Variants in PPP2R2B observed in about 807,000 individuals in gnomAD.
The protein encoded by PPP2R2B is protein phosphatase 2 regulatory subunit Bbeta.
PPP2R2B carries 5 observed loss-of-function variants against 46.0 expected under a neutral mutation model. The observed-to-expected ratio is 0.11, with a 90% CI of 0.06 to 0.23. The LOEUF (loss-of-function observed/expected upper bound fraction) is 0.23. Among genes scored for constraint, PPP2R2B ranks in the 10% least tolerant of loss-of-function variants. The probability of loss-of-function intolerance (pLI) is 1.00; values close to 1 mark genes in which losing one functional copy is unlikely to be tolerated. For missense variants in PPP2R2B, 367 were observed against 575.0 expected (o/e 0.64, Z 3.70); for synonymous variants, 215 against 206.7 (o/e 1.04, Z -0.34).
intron 1 of PPP2R2B, among the ~76,000 whole-genome samples, chr5:147,014,399 T>G (rs146048973): frequency 0.53 from 77,762 of 145,950 alleles, 21,166 homozygotes; most frequent in Middle Eastern, 0.58. Context: ...TATACCCAAA[T>G]GACTATAAAT....
intron 1 of PPP2R2B, among the ~76,000 whole-genome samples, chr5:146,912,664 C>T (rs1416894993): frequency 6.6e-6 from 1 of 151,852 alleles, no homozygotes; most frequent in East Asian, 1.9e-4. Context: ...GCCACCATGC[C>T]TGGCTAATTT....
chr5:146,845,100 C>T (rs774834881), intron 2 of PPP2R2B, among the ~76,000 whole-genome samples: 1 of 152,098 alleles, frequency 6.6e-6, no homozygotes, highest in Non-Finnish European at 1.5e-5. Context: ...CGACAAGCCT[C>T]AGGGCTCTTG....
intron 2 of PPP2R2B, among the ~76,000 whole-genome samples, chr5:146,815,915 G>C (rs1757905792): frequency 6.6e-6 from 1 of 152,132 alleles, no homozygotes; most frequent in South Asian, 2.1e-4. Flanking sequence ...CGTGCCCTTT[G>C]AGGGTGGCAA....
At chr5:146,804,900 C>T (rs1305803774) in intron 2 of PPP2R2B, among the ~76,000 whole-genome samples, 1 of 152,132 alleles carries the variant, frequency 6.6e-6, no homozygotes, top group Non-Finnish European at 1.5e-5. Context: ...GTGGGGTTCA[C>T]ATCCAGAAAT....
chr5:146,792,969 C>T (rs1282725814), intron 2 of PPP2R2B, among the ~76,000 whole-genome samples: 4 of 152,066 alleles, frequency 2.6e-5, no homozygotes, highest in Non-Finnish European at 4.4e-5. Context: ...ATCAATATGG[C>T]TACTGTGTGG....
intron 7 of PPP2R2B, among the ~76,000 whole-genome samples, chr5:146,600,683 C>T (rs922611882): frequency 5.9e-5 from 9 of 152,060 alleles, no homozygotes; most frequent in East Asian, 5.8e-4. Flanking sequence ...GCATGGGACC[C>T]GTCCCATCAT....
At chr5:146,861,183 G>A (rs1275542952) in intron 2 of PPP2R2B, among the ~76,000 whole-genome samples, 2 of 151,208 alleles carry the variant, frequency 1.3e-5, no homozygotes, top group South Asian at 2.1e-4. Flanking sequence ...AGCCTCCTGA[G>A]TAGCTGGGAC....
intron 2 of PPP2R2B, among the ~76,000 whole-genome samples, chr5:146,814,492 A>G (rs1158244849): frequency 6.6e-6 from 1 of 152,222 alleles, no homozygotes; most frequent in East Asian, 1.9e-4. Flanking sequence ...AGTGCCAGGG[A>G]AAGGCACCCA....
intron 2 of PPP2R2B, among the ~76,000 whole-genome samples, chr5:146,749,149 T>G (rs1176329043): frequency 6.6e-6 from 1 of 152,372 alleles, no homozygotes; most frequent in Non-Finnish European, 1.5e-5. Context: ...ATTTCCTTAA[T>G]GGCTGATAGT....
upstream of PPP2R2B, among the ~76,000 whole-genome samples, chr5:146,881,154 T>G (rs1441328484): frequency 3.3e-5 from 5 of 152,144 alleles, no homozygotes; most frequent in Non-Finnish European, 7.3e-5. Context: ...CTCTAAAATG[T>G]CAAGTTCTTT....
At chr5:146,776,528 A>T (rs1227743191) in intron 2 of PPP2R2B, among the ~76,000 whole-genome samples, 1 of 152,172 alleles carries the variant, frequency 6.6e-6, no homozygotes, top group Non-Finnish European at 1.5e-5. Flanking sequence ...TCAATTTAAG[A>T]GCTGAAACTA....
At chr5:147,061,309 T>C (rs531658028) in intron 2 of PPP2R2B, among the ~76,000 whole-genome samples, 27 of 152,272 alleles carry the variant, frequency 1.8e-4, no homozygotes, top group Middle Eastern at 6.8e-3. Flanking sequence ...ACTGCTTTGC[T>C]TGATGGTCAG....
intron 1 of PPP2R2B, among the ~76,000 whole-genome samples, chr5:146,934,150 A>C (rs926089114): frequency 6.6e-6 from 1 of 152,090 alleles, no homozygotes. Flanking sequence ...ATATGTGTGC[A>C]TGTGTCTTTA....
At chr5:146,734,218 G>C (rs1752406471) in intron 2 of PPP2R2B, among the ~76,000 whole-genome samples, 1 of 151,878 alleles carries the variant, frequency 6.6e-6, no homozygotes, top group African/African-American at 2.4e-5. Flanking sequence ...ACCATACCTG[G>C]CTAATGTTTT....
chr5:146,786,179 A>G (rs996772804), intron 2 of PPP2R2B, among the ~76,000 whole-genome samples: 5 of 152,152 alleles, frequency 3.3e-5, no homozygotes, highest in African/African-American at 1.2e-4. Flanking sequence ...TATCAATAAA[A>G]CTATAATAAA....
chr5:146,671,975 G>C (rs1687038561), intron 5 of PPP2R2B, among the ~76,000 whole-genome samples: 1 of 152,124 alleles, frequency 6.6e-6, no homozygotes, highest in Non-Finnish European at 1.5e-5. Context: ...AGAGAATAAA[G>C]GGAATATTTC....
chr5:146,650,692 C>T lies in PPP2R2B; in HGVS notation c.480G>A (p.Val160=). The change falls in exon 6 of 10, where the codon GTG becomes GTA. Residue 160 remains valine, a synonymous_variant. Coordinates refer to ENST00000394411, the MANE Select transcript of PPP2R2B (RefSeq NM_181675.4). ...VPVLRPMDLM[V]EATPRRVFAN... ...CAAATACTCTTCGTGGGGTGGCCTC[C>T]ACCATCAGGTCCATGGGTCTCAGGA... 6.2e-7 allele frequency: 1 copy of T among 1,613,892 alleles called. No individual in the cohort carries two copies. Among genetic ancestry groups the T allele is most frequent in the Non-Finnish European group, 8.5e-7 (1 of 1,179,864 alleles).
intron 2 of PPP2R2B, among the ~76,000 whole-genome samples, chr5:146,802,023 G>A (rs1337429940): frequency 6.6e-6 from 1 of 152,118 alleles, no homozygotes; most frequent in African/African-American, 2.4e-5. Flanking sequence ...GTCCTCGGCT[G>A]GGTCCAAATG....
chr5:147,007,198 C>T lies in PPP2R2B; in HGVS notation c.79+48467G>A, dbSNP rs577796417. The stretch of plus-strand genomic sequence containing the variant: ...TCCGGAGGACACTACAACTGCAGGG[C>T]CCCTTCTTCACCCCTGTTCAGCAGG... On this transcript the variant is annotated intron_variant, in intron 1 of 8. Transcript: ENST00000336640. Among the ~76,000 whole-genome samples the T allele has an allele frequency of 4.6e-5, 7 of 152,234 alleles. No homozygotes were observed. In the East Asian group the frequency reaches 1.2e-3, roughly 25 times the overall value.
Sources: gnomAD v4.1 joint callset for allele counts (sites outside exome capture counted in the v4.1 genomes callset) on GRCh38, gnomAD v4.1.1 for gene constraint, MANE v1.5 for transcripts, NCBI Gene and HGNC (gene_info 2026-07-23, HGNC 2026-07-21) for gene names.